The following DCDC1 variants were observed in gnomAD, a reference collection of about 807,000 sequenced individuals.
The protein encoded by DCDC1 is doublecortin domain-containing protein 1.
In DCDC1, 200 loss-of-function variants were observed where a neutral mutation model predicts 178.3. The observed-to-expected ratio is 1.12, with a 90% CI of 1.00 to 1.26. The LOEUF (loss-of-function observed/expected upper bound fraction) is 1.26, where lower values mean the gene tolerates loss of function less well. Among genes scored for constraint, DCDC1 ranks in the 50% most tolerant of loss-of-function variants. The pLI, the probability that DCDC1 is intolerant of heterozygous loss-of-function variation, is 0.00. For synonymous variants in DCDC1, 690 were observed against 604.8 expected (o/e 1.14, Z -2.07); for missense variants, 1,983 against 1,749.2 (o/e 1.13, Z -2.38).
At chr11:31,193,090 A>G (rs1202439523) in intron 9 of DCDC1, among the ~76,000 whole-genome samples, 1 of 151,956 alleles carries the variant, frequency 6.6e-6, no homozygotes, top group African/African-American at 2.4e-5. Context: ...GAGTTACACC[A>G]TTGTCTCTGC....
intron 20 of DCDC1, among the ~76,000 whole-genome samples, chr11:31,015,200 G>A (rs200693262): frequency 6.6e-6 from 1 of 151,892 alleles, no homozygotes; most frequent in Admixed American, 6.6e-5. Context: ...CACCAGCCTC[G>A]GCCTCCCAAA....
rs756471996 is a variant in DCDC1 at position 30,913,357 on chromosome 11, C to T, written c.3654-1937G>A. On this transcript the variant is annotated intron_variant, in intron 27 of 38. Transcript: ENST00000684477. ...CCGGGAGGCGGAGCTTGCAGTGAGCCGAGATCATGCCACTGCACTCCAGCC... is the reference window on the plus strand; with the variant it reads ...CCGGGAGGCGGAGCTTGCAGTGAGCTGAGATCATGCCACTGCACTCCAGCC... 4.0e-5 allele frequency among the ~76,000 whole-genome samples: 6 copies of T among 151,584 alleles called. No homozygotes were observed. In the East Asian group the frequency reaches 1.2e-3, roughly 30 times the overall value.
chr11:31,337,951 A>G (rs904773072), intron 1 of DCDC1, among the ~76,000 whole-genome samples: 9 of 152,316 alleles, frequency 5.9e-5, no homozygotes, highest in African/African-American at 2.2e-4. Flanking sequence ...GCCGAAAAAC[A>G]TGACTGACCT....
At chr11:31,186,858 T>C (rs1352048683) in intron 9 of DCDC1, among the ~76,000 whole-genome samples, 1 of 152,216 alleles carries the variant, frequency 6.6e-6, no homozygotes, top group Non-Finnish European at 1.5e-5. Flanking sequence ...CAATTATATC[T>C]GTTGCAAATC....
rs1445435134 is a variant in DCDC1 at position 31,257,160 on chromosome 11, A to T, written c.1054+8347T>A. Among the ~76,000 whole-genome samples, 6 of 152,298 alleles carry T rather than the reference A, an allele frequency of 3.9e-5. No homozygotes were observed. The East Asian group carries it at 1.2e-3, about 29-fold the overall frequency. ...CATGATGGTGAGGTTCTGTCTTTAA[A>T]TTGTTAATACTGGGCCTAGATAGGA... On this transcript the variant is annotated intron_variant, in intron 8 of 38. Coordinates refer to ENST00000684477, the MANE Select transcript of DCDC1 (RefSeq NM_001387274.1).
chr11:31,225,646 T>C (rs1974844586), intron 9 of DCDC1, among the ~76,000 whole-genome samples: 1 of 149,200 alleles, frequency 6.7e-6, no homozygotes, highest in South Asian at 2.1e-4. Context: ...TGACTGGAGA[T>C]TCAGATAATG....
intron 9 of DCDC1, among the ~76,000 whole-genome samples, chr11:31,219,980 C>T (rs935526421): frequency 2.0e-5 from 3 of 152,084 alleles, no homozygotes; most frequent in Non-Finnish European, 4.4e-5. Flanking sequence ...CTCCAGCCCC[C>T]ACACCTGAAA....
rs761843425 is a variant in DCDC1, at chr11:30,881,227, A to C, written c.5164T>G (p.Ser1722Ala). The change falls in exon 37 of 39, where the codon TCC (serine) becomes GCC (alanine). Residue 1722 changes from serine (S) to alanine (A), a missense_variant. Coordinates refer to ENST00000684477, the MANE Select transcript of DCDC1 (RefSeq NM_001387274.1). ...LYTPSGEPIQ[S>A]WDDIERDMVI... ...ATATCTCGCTCTATGTCGTCCCAGG[A>C]CTGAATTGGCTCTCCACTGGGGGTG... is the stretch of plus-strand genomic sequence containing the variant. 1 of 1,613,548 alleles carries C rather than the reference A, an allele frequency of 6.2e-7. No individual in the cohort carries two copies. The highest frequency in any genetic ancestry group is 1.1e-5 in the South Asian group (1 of 91,084).
intron 20 of DCDC1, among the ~76,000 whole-genome samples, chr11:30,990,610 C>T (rs1950919546): frequency 6.6e-6 from 1 of 152,136 alleles, no homozygotes; most frequent in South Asian, 2.1e-4. Flanking sequence ...GCAGATGAAG[C>T]AATTAGGAAA....
intron 28 of DCDC1, among the ~76,000 whole-genome samples, chr11:30,910,659 G>A (rs1039989022): frequency 5.9e-5 from 9 of 151,918 alleles, no homozygotes; most frequent in Non-Finnish European, 2.9e-5. Context: ...TACTAGCAAG[G>A]AAAAACACAT....
chr11:31,075,327 AT>A (rs1227661775), intron 18 of DCDC1, among the ~76,000 whole-genome samples: 1 of 152,098 alleles, frequency 6.6e-6, no homozygotes, highest in African/African-American at 2.4e-5. Flanking sequence ...TATCTTTGCT[AT>A]TGTGAATAGT....
chr11:31,132,169 T>C (rs1044792156), intron 10 of DCDC1, among the ~76,000 whole-genome samples: 10 of 152,216 alleles, frequency 6.6e-5, no homozygotes, highest in African/African-American at 1.2e-4. Context: ...TCAAGGTATC[T>C]AGCAAAGATT....
intron 20 of DCDC1, chr11:30,992,538 A>G (rs1951046272): frequency 6.6e-6 from 1 of 152,156 alleles, no homozygotes; most frequent in African/African-American, 2.4e-5. Context: ...ATTGCCTTCC[A>G]AGTATTACCC....
chr11:30,872,439 A>C (rs1941672333), intron 38 of DCDC1, among the ~76,000 whole-genome samples: 1 of 151,666 alleles, frequency 6.6e-6, no homozygotes, highest in Non-Finnish European at 1.5e-5. Context: ...AATACTTTGG[A>C]TATATTGAGT....
intron 21 of DCDC1, among the ~76,000 whole-genome samples, chr11:30,934,433 G>A (rs1947134956): frequency 1.3e-5 from 2 of 152,144 alleles, no homozygotes; most frequent in Admixed American, 1.3e-4. Context: ...CACCAGCTTG[G>A]GGTATATGGA....
chr11:30,926,563 C>A (rs1216231302), intron 22 of DCDC1, among the ~76,000 whole-genome samples: 2 of 152,212 alleles, frequency 1.3e-5, no homozygotes, highest in Admixed American at 1.3e-4. Flanking sequence ...ACTGATGGAG[C>A]ATTTTCTAAA....
intron 24 of DCDC1, 118 bp from the exon 25 acceptor site, chr11:30,921,053 T>C (rs979142863): frequency 3.4e-5 from 34 of 995,978 alleles, no homozygotes; most frequent in African/African-American, 2.0e-4. Flanking sequence ...GGTCTATTCA[T>C]AGGTTACTTA....
At chr11:31,347,079 A>G (rs1950854932) in intron 1 of DCDC1, among the ~76,000 whole-genome samples, 1 of 152,188 alleles carries the variant, frequency 6.6e-6, no homozygotes, top group Non-Finnish European at 1.5e-5. Context: ...AGAGTACATG[A>G]GCAAAAATAT....
At chr11:31,048,725 C>T (rs575287262) in intron 20 of DCDC1, among the ~76,000 whole-genome samples, 8 of 152,190 alleles carry the variant, frequency 5.3e-5, no homozygotes, top group Non-Finnish European at 8.8e-5. Context: ...GACGTGGTGG[C>T]AGGCGCCTGT....
Sources: allele counts gnomAD v4.1 joint callset (sites outside exome capture counted in the v4.1 genomes callset), GRCh38; gene constraint gnomAD v4.1.1; transcripts MANE v1.5; gene names NCBI Gene and HGNC (gene_info 2026-07-23, HGNC 2026-07-21).